The following SEC11C variants were observed in gnomAD, a reference collection of about 807,000 sequenced individuals.
SEC11C encodes the protein SEC11 homolog C, signal peptidase complex subunit, also known as signal peptidase complex catalytic subunit SEC11C.
Under a neutral mutation model 21.9 loss-of-function variants are expected in SEC11C, and 10 were observed. That is an observed-to-expected ratio of 0.46 (90% CI 0.28 to 0.77). The LOEUF (loss-of-function observed/expected upper bound fraction) is 0.77, where lower values mean the gene tolerates loss of function less well. Among genes scored for constraint, SEC11C ranks in the 30% least tolerant of loss-of-function variants. SEC11C has a pLI of 0.12. For synonymous variants in SEC11C, 83 were observed against 85.6 expected (o/e 0.97, Z 0.17); for missense variants, 145 against 244.5 (o/e 0.59, Z 2.71).
chr18:59,154,852 G>A (rs552318876), intron 3 of SEC11C, among the ~76,000 whole-genome samples: 1 of 152,294 alleles, frequency 6.6e-6, no homozygotes, highest in Non-Finnish European at 1.5e-5. Context: ...GATCACTTGA[G>A]GTCAGGAGTT....
At chr18:59,157,755 C>A in intron 5 of SEC11C, 90 bp downstream of exon 5, 2 of 884,854 alleles carry the variant, frequency 2.3e-6, no homozygotes, top group Non-Finnish European at 3.7e-6. Flanking sequence ...CTTCTTAAAA[C>A]ATGTTGCCAT....
At chr18:59,156,738 G>C (rs1292631669) in intron 4 of SEC11C, 1 of 152,188 alleles carries the variant, frequency 6.6e-6, no homozygotes, top group African/African-American at 2.4e-5. Context: ...GCTTTTTAAG[G>C]CTGGAGAGAC....
intron 5 of SEC11C, among the ~76,000 whole-genome samples, chr18:59,158,386 C>G (rs1483658043): frequency 2.0e-5 from 3 of 152,166 alleles, no homozygotes; most frequent in African/African-American, 7.2e-5. Flanking sequence ...GGGAAACCTG[C>G]GTAGGAGTAA....
In SEC11C at chr18:59,150,936, T is replaced by TTTCAC. The variant is rs2069343839; in HGVS notation, c.197+1314_197+1315insTTCAC. 3.9e-5 allele frequency among the ~76,000 whole-genome samples: 6 copies of TTTCAC among 152,066 alleles called. No individual in the cohort carries two copies. The South Asian group carries it at 1.2e-3, about 32-fold the overall frequency. On this transcript the variant is annotated intron_variant, in intron 2 of 5. Coordinates refer to ENST00000587834, the MANE Select transcript of SEC11C (RefSeq NM_033280.4). ...CACAGACACACTTGCACACAGAAGG[T>TTTCAC]AGTGTGAAATTGCTGCACTTAGGGA...
chr18:59,155,592 C>A, intron 3 of SEC11C, 96 bp from the exon 4 acceptor site: 1 of 1,320,720 alleles, frequency 7.6e-7, no homozygotes, highest in Admixed American at 2.2e-5. Flanking sequence ...TTTCTAAATG[C>A]TCCTGTCTGA....
chr18:59,142,220 A>AT (rs1294823757), intron 1 of SEC11C, among the ~76,000 whole-genome samples: 4 of 152,156 alleles, frequency 2.6e-5, no homozygotes, highest in Non-Finnish European at 4.4e-5. Flanking sequence ...ATTTTTGTGT[A>AT]TTTGGACATT....
At chr18:59,158,405 T>C (rs1275924737) in intron 5 of SEC11C, among the ~76,000 whole-genome samples, 1 of 152,216 alleles carries the variant, frequency 6.6e-6, no homozygotes, top group Non-Finnish European at 1.5e-5. Context: ...AAGCACTGCA[T>C]TTGCTGTGTT....
intron 1 of SEC11C, chr18:59,148,051 C>G (rs1218674538): frequency 6.6e-6 from 1 of 152,268 alleles, no homozygotes; most frequent in East Asian, 1.9e-4. Context: ...GGGATAGAGC[C>G]ATTTTGGTTC....
chr18:59,144,096 C>T (rs2069243724), intron 1 of SEC11C, among the ~76,000 whole-genome samples: 1 of 152,084 alleles, frequency 6.6e-6, no homozygotes, highest in Non-Finnish European at 1.5e-5. Flanking sequence ...TCAGGTTATC[C>T]GCCCACCTCG....
At chr18:59,140,201 A>G (rs2069193654) in intron 1 of SEC11C, 166 bp downstream of exon 1, 1 of 574,728 alleles carries the variant, frequency 1.7e-6, no homozygotes, top group African/African-American at 2.0e-5. Flanking sequence ...ACGTGTGGGC[A>G]TGGGTGTGCA....
At chr18:59,155,882 A>G (rs1713950490) in intron 4 of SEC11C, 75 bp downstream of exon 4, 2 of 1,527,432 alleles carry the variant, frequency 1.3e-6, no homozygotes, top group Admixed American at 3.6e-5. Flanking sequence ...TCAATAGGCT[A>G]ATGAGTCGTT....
chr18:59,149,471 C>G (rs1249150405), intron 1 of SEC11C, 42 bp from the exon 2 acceptor site: 1 of 1,316,122 alleles, frequency 7.6e-7, no homozygotes, highest in Non-Finnish European at 1.1e-6. Flanking sequence ...GGTGGATCTT[C>G]TGCTATTGGT....
At chr18:59,156,024 T>C in intron 4 of SEC11C, 1 of 435,622 alleles carries the variant, frequency 2.3e-6, no homozygotes, top group Non-Finnish European at 4.0e-6. Flanking sequence ...ATATGATGGG[T>C]TCAAATCTGT....
At chr18:59,149,408 T>C in intron 1 of SEC11C, 105 bp from the exon 2 acceptor site, 1 of 718,026 alleles carries the variant, frequency 1.4e-6, no homozygotes, top group Non-Finnish European at 2.5e-6. Context: ...TTTCCTGTCC[T>C]AAAATCATGT....
intron 1 of SEC11C, among the ~76,000 whole-genome samples, chr18:59,148,672 C>T (rs2069309382): frequency 6.6e-6 from 1 of 151,106 alleles, no homozygotes; most frequent in Admixed American, 6.6e-5. Flanking sequence ...GGAGTGCAGT[C>T]GTGCAGTCAC....
intron 4 of SEC11C, chr18:59,156,778 T>C (rs1275476905): frequency 6.6e-6 from 1 of 152,260 alleles, no homozygotes; most frequent in East Asian, 1.9e-4. Context: ...TTTAGCGTTA[T>C]TAGTCAGATT....
At chr18:59,158,056 GTA>G (rs937162982) in intron 5 of SEC11C, among the ~76,000 whole-genome samples, 33 of 151,680 alleles carry the variant, frequency 2.2e-4, no homozygotes, top group African/African-American at 7.7e-4. Flanking sequence ...ATACATATGT[GTA>G]TATATATATA....
chr18:59,155,190 T>G (rs2069405536), intron 3 of SEC11C, among the ~76,000 whole-genome samples: 1 of 152,238 alleles, frequency 6.6e-6, no homozygotes, highest in Non-Finnish European at 1.5e-5. Context: ...CTATTCTGAC[T>G]TGAGGTGAAT....
At chr18:59,146,267 A>G (rs543230563) in intron 1 of SEC11C, among the ~76,000 whole-genome samples, 10 of 152,354 alleles carry the variant, frequency 6.6e-5, no homozygotes, top group African/African-American at 1.9e-4. Flanking sequence ...GCAGGGTGAT[A>G]ATAATGTCAT....
Sources: allele counts gnomAD v4.1 joint callset (sites outside exome capture counted in the v4.1 genomes callset), GRCh38; gene constraint gnomAD v4.1.1; transcripts MANE v1.5; gene names NCBI Gene and HGNC (gene_info 2026-07-23, HGNC 2026-07-21).